The following NFRKB variants were observed in gnomAD, a reference collection of about 807,000 sequenced individuals.
NFRKB encodes the protein nuclear factor related to kappaB binding protein.
NFRKB carries 62 observed loss-of-function variants against 135.7 expected under a neutral mutation model. That is an observed-to-expected ratio of 0.46 (90% CI 0.37 to 0.56). NFRKB has a LOEUF of 0.56. Among genes scored for constraint, NFRKB ranks in the 20% least tolerant of loss-of-function variants. The pLI is 0.00. For synonymous variants in NFRKB, 678 were observed against 635.6 expected (o/e 1.07, Z -1.00); for missense variants, 1,545 against 1,662.0 (o/e 0.93, Z 1.22).
intron 3 of NFRKB, among the ~76,000 whole-genome samples, chr11:129,891,393 C>G (rs897027805): frequency 1.6e-4 from 24 of 152,266 alleles, no homozygotes; most frequent in African/African-American, 5.8e-4. Context: ...AGAAAAACAG[C>G]CATAGTTTAA....
chr11:129,873,167 T>C, intron 22 of NFRKB, 71 bp from the exon 23 acceptor site: 2 of 1,340,464 alleles, frequency 1.5e-6, no homozygotes, highest in Non-Finnish European at 1.0e-6. Flanking sequence ...AGCAAGAGTC[T>C]CCCTCAGCAC....
Position 129,878,534 on chromosome 11 carries a change from T to C in NFRKB, c.1394A>G (p.Gln465Arg), listed in dbSNP as rs763499441. Residue 465 changes from glutamine to arginine, a missense_variant, in exon 14 of 27, where the codon CAA (glutamine) becomes CGA (arginine). This residue lies in a region of NFRKB where 678 missense variants were observed against 646.7 expected (regional missense o/e 1.05). Coordinates refer to ENST00000682444, the MANE Select transcript of NFRKB (RefSeq NM_001143835.2). Reference sequence around the variant, plus strand: ...GGCAGCTAATTCCTTTTCATTATCTTGGGATTGGCCTATTAGAGGAATAAA... The same window carrying C: ...GGCAGCTAATTCCTTTTCATTATCTCGGGATTGGCCTATTAGAGGAATAAA... ...TQQWKLLGQS[Q>R]DNEKELAALF... The C allele has an allele frequency of 1.9e-6, 3 of 1,613,920 alleles. No individual in the cohort carries two copies. The highest frequency in any genetic ancestry group is 1.1e-5 in the South Asian group (1 of 91,072).
chr11:129,867,321 T>TC (rs1351945557), intron 24 of NFRKB, among the ~76,000 whole-genome samples: 1 of 147,224 alleles, frequency 6.8e-6, no homozygotes, highest in African/African-American at 2.5e-5. Flanking sequence ...CCTAAGTAAC[T>TC]CTTTTTTTTT....
chr11:129,869,487 TACTC>T lies in NFRKB; in HGVS notation c.3531+3_3531+6del. The T allele has an allele frequency of 6.3e-7, 1 of 1,597,772 alleles. No homozygotes were observed. ...AGAAGGCCTAAGCTTTACCACTAGT[TACTC>T]ACAGCCTGGGACGTGGACACAACCG... On this transcript the variant is annotated splice_donor_5th_base_variant and intron_variant, in intron 24 of 26. Coordinates refer to ENST00000682444, the MANE Select transcript of NFRKB (RefSeq NM_001143835.2).
chr11:129,866,919 A>G (rs1344395251), intron 24 of NFRKB, among the ~76,000 whole-genome samples: 2 of 152,164 alleles, frequency 1.3e-5, no homozygotes, highest in African/African-American at 4.8e-5. Context: ...ACCTATCTCC[A>G]TGGGGTTCAC....
intron 23 of NFRKB, among the ~76,000 whole-genome samples, chr11:129,872,170 G>A (rs1948541998): frequency 1.3e-5 from 2 of 152,148 alleles, no homozygotes; most frequent in African/African-American, 4.8e-5. Flanking sequence ...CTACTGATTA[G>A]CATAGCATTT....
intron 5 of NFRKB, among the ~76,000 whole-genome samples, chr11:129,885,984 G>A (rs1949258510): frequency 6.6e-6 from 1 of 152,126 alleles, no homozygotes; most frequent in Non-Finnish European, 1.5e-5. Flanking sequence ...GCATTCAGAG[G>A]CCCATGCACA....
intron 25 of NFRKB, among the ~76,000 whole-genome samples, chr11:129,865,353 A>G (rs1013423591): frequency 1.3e-5 from 2 of 152,238 alleles, no homozygotes; most frequent in African/African-American, 4.8e-5. Flanking sequence ...GGCCCCGACC[A>G]GCAGGAATAG....
At chr11:129,885,363 C>G in intron 6 of NFRKB, 72 bp downstream of exon 6, 1 of 1,512,388 alleles carries the variant, frequency 6.6e-7, no homozygotes, top group South Asian at 1.3e-5. Context: ...ATGGCTACCA[C>G]TGGCTCCAAC....
At position 129,878,509 on chromosome 11, in the gene NFRKB, G is replaced by A. The variant is rs368924753; in HGVS notation, c.1419C>T (p.Ala473=). ...TGGTCTCTAGCCATAGCTGGAAGAG[G>A]GCAGCTAATTCCTTTTCATTATCTT... is the stretch of plus-strand genomic sequence containing the variant. ...QSQDNEKELA[A]LFQLWLETKD... Residue 473 remains alanine (A), a synonymous_variant, in exon 14 of 27, where the codon GCC becomes GCT. Transcript: ENST00000682444. The A allele has an allele frequency of 1.9e-6, 3 of 1,613,978 alleles. No individual in the cohort carries two copies. Among genetic ancestry groups the A allele is most frequent in the African/African-American group, 1.3e-5 (1 of 74,900 alleles).
chr11:129,892,898 G>C (rs1242374015), intron 2 of NFRKB, 28 bp from the exon 3 acceptor site: 1 of 1,613,632 alleles, frequency 6.2e-7, no homozygotes. Context: ...TCTTGAGACA[G>C]AAAGGCAGAA....
intron 3 of NFRKB, among the ~76,000 whole-genome samples, chr11:129,892,018 A>G (rs1396547644): frequency 6.6e-6 from 1 of 151,886 alleles, no homozygotes; most frequent in African/African-American, 2.4e-5. Context: ...GTGTTTCTTC[A>G]TATTTGTTTT....
At position 129,886,428 on chromosome 11, in the gene NFRKB, G is replaced by A. The variant is rs373642696; in HGVS notation, c.354C>T (p.Pro118=). 1.2e-5 allele frequency: 20 copies of A among 1,613,670 alleles called. No homozygotes were observed. The highest frequency in any genetic ancestry group is 3.3e-4 in the Middle Eastern group (2 of 6,082). ...QKLFRDGHFN[P]EVVKYRQLCF... is the part of the protein sequence containing the mutation. ...ATAACTGCCGGTACTTGACCACCTC[G>A]GGGTTAAAGTGTCCGTCTTAAAAAA... The change falls in exon 5 of 27, where the codon CCC becomes CCT. Residue 118 remains proline (P), a synonymous_variant. Coordinates refer to ENST00000682444, the MANE Select transcript of NFRKB (RefSeq NM_001143835.2).
At chr11:129,889,571 G>A (rs540874854) in intron 3 of NFRKB, among the ~76,000 whole-genome samples, 6 of 151,554 alleles carry the variant, frequency 4.0e-5, no homozygotes, top group Middle Eastern at 3.4e-3. Context: ...TACCTTCCAC[G>A]AGCAAAATAC....
At chr11:129,892,629 T>C in intron 3 of NFRKB, 86 bp downstream of exon 3, 2 of 1,403,854 alleles carry the variant, frequency 1.4e-6, no homozygotes, top group East Asian at 2.3e-5. Context: ...CACAAAAGAC[T>C]GGAAATGTAG....
intron 6 of NFRKB, 55 bp from the exon 7 acceptor site, chr11:129,884,901 G>A (rs1478839485): frequency 6.2e-7 from 1 of 1,613,128 alleles, no homozygotes; most frequent in Non-Finnish European, 8.5e-7. Flanking sequence ...TCCAATAGGG[G>A]AGATTGGGTA....
At chr11:129,870,383 T>A in intron 23 of NFRKB, 122 bp from the exon 24 acceptor site, 1 of 1,160,262 alleles carries the variant, frequency 8.6e-7, no homozygotes, top group Non-Finnish European at 1.2e-6. Context: ...CTTTTTATTT[T>A]GCAAACATTC....
intron 4 of NFRKB, 191 bp downstream of exon 4, chr11:129,888,403 T>C: frequency 1.4e-6 from 1 of 698,456 alleles, no homozygotes; most frequent in South Asian, 1.5e-5. Context: ...ATGTATTTTC[T>C]ATATAAGTCA....
intron 15 of NFRKB, among the ~76,000 whole-genome samples, chr11:129,877,851 C>T (rs1009423584): frequency 1.3e-5 from 2 of 152,086 alleles, no homozygotes; most frequent in East Asian, 1.9e-4. Context: ...AGAAAACTAC[C>T]GAACCATGCC....
Sources: allele counts gnomAD v4.1 joint callset (sites outside exome capture counted in the v4.1 genomes callset), GRCh38; gene constraint gnomAD v4.1.1; regional missense constraint gnomAD v4.1.1; transcripts MANE v1.5; gene names NCBI Gene and HGNC (gene_info 2026-07-23, HGNC 2026-07-21).